The following CNR1 variants were observed in gnomAD, a reference collection of about 807,000 sequenced individuals.
CNR1 encodes the protein cannabinoid receptor 1.
CNR1 carries 10 observed loss-of-function variants against 23.0 expected under a neutral mutation model. That is an observed-to-expected ratio of 0.43 (90% CI 0.27 to 0.74). CNR1 has a LOEUF of 0.74. Ranked by LOEUF, CNR1 falls within the 30% of genes least tolerant of loss-of-function variation. CNR1 has a pLI of 0.19. For missense variants in CNR1, 422 were observed against 618.8 expected, an observed-to-expected ratio of 0.68 and a Z score of 3.37; for synonymous variants, 271 against 255.2, an observed-to-expected ratio of 1.06 and a Z score of -0.59.
chr6:88,160,992 T>A (rs1778074129), intron 1 of CNR1, among the ~76,000 whole-genome samples: 1 of 152,162 alleles, frequency 6.6e-6, no homozygotes, highest in Admixed American at 6.5e-5. Flanking sequence ...AGTAGTAAAA[T>A]ATTGTATTTT....
intron 1 of CNR1, among the ~76,000 whole-genome samples, chr6:88,158,982 T>A (rs944318914): frequency 7.9e-5 from 12 of 152,154 alleles, no homozygotes; most frequent in Non-Finnish European, 1.0e-4. Context: ...TTCAGGAAAC[T>A]TTTTTATGGA....
rs1387993746 is a variant in CNR1, at chr6:88,144,548, T to C, written c.727A>G (p.Ile243Val). ...GGCAGCACGGCGATCACAATGGCTA[T>C]GGTCCACATCAGGCAAAACGCCACC... ...AVVAFCLMWT[I>V]AIVIAVLPLL... Residue 243 changes from isoleucine (I) to valine (V), a missense_variant, in exon 2 of 2, where the codon ATA becomes GTA. This residue lies in a region of CNR1 where 211 missense variants were observed against 357.3 expected (regional missense o/e 0.59). Coordinates refer to ENST00000369501, the MANE Select transcript of CNR1 (RefSeq NM_016083.6). The surrounding 1 kb of genome is among the most constrained non-coding windows in gnomAD (Gnocchi z 7.8). 4 of 1,614,110 alleles carry C rather than the reference T, an allele frequency of 2.5e-6. No homozygotes were observed. Among genetic ancestry groups the C allele is most frequent in the African/African-American group, 1.3e-5 (1 of 74,948 alleles).
At chr6:88,149,245 C>T (rs1390752951) in intron 1 of CNR1, among the ~76,000 whole-genome samples, 2 of 152,178 alleles carry the variant, frequency 1.3e-5, no homozygotes, top group Non-Finnish European at 2.9e-5. Flanking sequence ...GCTCCTTTAT[C>T]TAAAATATCT....
upstream of CNR1, among the ~76,000 whole-genome samples, chr6:88,166,614 G>A (rs1277012356): frequency 6.6e-6 from 1 of 152,050 alleles, no homozygotes; most frequent in African/African-American, 2.4e-5. Context: ...CCGCGCTCCC[G>A]GAGGCCCCCG....
rs1405742104 is a variant in CNR1 at position 88,141,484 on chromosome 6, C to T, written c.*2372G>A. ...GAATCGTGAAATTTTTCTACCATAA[C>T]AAGAATTTCTCTAGCTCTTCATAGC... On this transcript the variant is annotated 3_prime_UTR_variant, in exon 2 of 2. Coordinates refer to ENST00000369501, the MANE Select transcript of CNR1 (RefSeq NM_016083.6). The T allele has an allele frequency of 1.3e-5, 2 of 152,332 alleles. No homozygotes were observed. Among genetic ancestry groups the T allele is most frequent in the African/African-American group, 4.8e-5 (2 of 41,442 alleles). The allele number at this position is 152,332 out of a possible 1,614,324, so 9.4% of individuals were successfully genotyped here. A position where few individuals can be genotyped will look rare whatever the true frequency, so the allele number is the denominator to read the frequency against.
chr6:88,164,615 C>G (rs1377098167), intron 1 of CNR1, among the ~76,000 whole-genome samples: 3 of 152,130 alleles, frequency 2.0e-5, no homozygotes. Context: ...AGAGAAAAAT[C>G]AATTAGTGTA....
intron 1 of CNR1, among the ~76,000 whole-genome samples, chr6:88,157,714 T>TAA (rs1237819098): frequency 4.6e-5 from 7 of 152,186 alleles, no homozygotes; most frequent in Non-Finnish European, 8.8e-5. Flanking sequence ...TCAATATTAA[T>TAA]AACCAACTCA....
chr6:88,149,234 G>A (rs1777387011), intron 1 of CNR1, among the ~76,000 whole-genome samples: 1 of 152,124 alleles, frequency 6.6e-6, no homozygotes, highest in African/African-American at 2.4e-5. Flanking sequence ...AGTGCTTCTG[G>A]GCTCCTTTAT....
chr6:88,149,830 G>A (rs529492289), intron 1 of CNR1, among the ~76,000 whole-genome samples: 162 of 152,202 alleles, frequency 1.1e-3, no homozygotes, highest in African/African-American at 3.7e-3. Context: ...GCCTCATCAC[G>A]TCGTATAATC....
intron 1 of CNR1, among the ~76,000 whole-genome samples, chr6:88,151,830 A>G (rs910311328): frequency 2.6e-5 from 4 of 152,148 alleles, no homozygotes; most frequent in Non-Finnish European, 2.9e-5. Flanking sequence ...TGTCTGTTAT[A>G]TCCAGCCATT....
intron 1 of CNR1, among the ~76,000 whole-genome samples, chr6:88,165,197 C>A (rs907279150): frequency 6.6e-6 from 1 of 152,062 alleles, no homozygotes; most frequent in African/African-American, 2.4e-5. Context: ...AGAGGTGATC[C>A]GTTTATGATT....
intron 1 of CNR1, among the ~76,000 whole-genome samples, chr6:88,148,454 A>AT (rs12720072): frequency 0.16 from 24,873 of 152,078 alleles, 3,119 homozygotes; most frequent in African/African-American, 0.34. Context: ...AGAAGGCTCC[A>AT]AATAAGCTGG....
chr6:88,157,775 A>T (rs1010637544), intron 1 of CNR1, among the ~76,000 whole-genome samples: 1 of 152,200 alleles, frequency 6.6e-6, no homozygotes, highest in African/African-American at 2.4e-5. Flanking sequence ...TGCAATAATC[A>T]CTACTGGTCC....
Position 88,142,274 on chromosome 6 carries a change from TG to T in CNR1, c.*1581del, listed in dbSNP as rs1776865809. The T allele has an allele frequency of 6.6e-6, 1 of 152,420 alleles. No homozygotes were observed. Among genetic ancestry groups the T allele is most frequent in the South Asian group, 2.1e-4 (1 of 4,832 alleles). The allele number at this position is 152,420 out of a possible 1,614,324, so 9.4% of individuals were successfully genotyped here. A position where few individuals can be genotyped will look rare whatever the true frequency, so the allele number is the denominator to read the frequency against. ...GCCGTTGTGTGTCTCATCCACTGTCTGATTCAGCTTTTTTAGCCACATGGGC... is the reference window on the plus strand; with the variant it reads ...GCCGTTGTGTGTCTCATCCACTGTCTATTCAGCTTTTTTAGCCACATGGGC... On this transcript the variant is annotated 3_prime_UTR_variant, in exon 2 of 2. Transcript: ENST00000369501.
upstream of CNR1, among the ~76,000 whole-genome samples, chr6:88,167,240 G>A (rs6454675): frequency 0.16 from 24,145 of 152,064 alleles, 2,394 homozygotes; most frequent in African/African-American, 0.28. Flanking sequence ...GGGGGCTCTG[G>A]GACTCGGGGG....
intron 1 of CNR1, among the ~76,000 whole-genome samples, chr6:88,154,524 G>A (rs1777694902): frequency 6.6e-6 from 1 of 152,192 alleles, no homozygotes; most frequent in Non-Finnish European, 1.5e-5. Flanking sequence ...GAGTGCCTTG[G>A]CACTTTTCTT....
At chr6:88,166,580 C>G (rs1778379364), upstream of CNR1, among the ~76,000 whole-genome samples, 1 of 152,100 alleles carries the variant, frequency 6.6e-6, no homozygotes, top group African/African-American at 2.4e-5. Context: ...ACCTACTTCT[C>G]CTCTTCCTCC....
rs1776842381 is a variant in CNR1 at position 88,141,859 on chromosome 6, A to C, written c.*1997T>G. 1 of 152,392 alleles carries C rather than the reference A, an allele frequency of 6.6e-6. No homozygotes were observed. The highest frequency in any genetic ancestry group is 1.5e-5 in the Non-Finnish European group (1 of 68,068). 9.4% of individuals were successfully genotyped at this position (152,392 alleles called of 1,614,324 possible). ...TTGGGTATCTCGAGAGCTAGAAATC[A>C]CCAGATAGATGCCAGCTCTGTACTT... On this transcript the variant is annotated 3_prime_UTR_variant, in exon 2 of 2. Coordinates refer to ENST00000369501, the MANE Select transcript of CNR1 (RefSeq NM_016083.6).
intron 1 of CNR1, among the ~76,000 whole-genome samples, chr6:88,148,802 A>G (rs806375): frequency 6.6e-6 from 1 of 151,962 alleles, no homozygotes; most frequent in Non-Finnish European, 1.5e-5. Context: ...AGCCCTCAGC[A>G]CTAATGTGAC....
Sources: gnomAD v4.1 joint callset for allele counts (sites outside exome capture counted in the v4.1 genomes callset) on GRCh38, gnomAD v4.1.1 for gene constraint, gnomAD v4.1.1 regional missense constraint, Gnocchi (gnomAD v3.1) non-coding constraint, MANE v1.5 for transcripts, NCBI Gene and HGNC (gene_info 2026-07-23, HGNC 2026-07-21) for gene names.